The following NRXN3 variants were observed in gnomAD, a reference collection of about 807,000 sequenced individuals.
NRXN3 encodes neurexin III.
NRXN3 carries 32 observed loss-of-function variants against 137.6 expected under a neutral mutation model. The ratio of observed to expected loss-of-function variants is 0.23; its 90% CI spans 0.18 to 0.31. NRXN3 has a LOEUF of 0.31. Ranked by LOEUF, NRXN3 falls within the 10% of genes least tolerant of loss-of-function variation. The pLI is 1.00. For missense variants in NRXN3, 1,574 were observed against 2,062.5 expected, an observed-to-expected ratio of 0.76 and a Z score of 4.59; for synonymous variants, 798 against 784.5, an observed-to-expected ratio of 1.02 and a Z score of -0.29.
At chr14:79,378,424 A>C (rs1186664288) in intron 15 of NRXN3, among the ~76,000 whole-genome samples, 2 of 152,220 alleles carry the variant, frequency 1.3e-5, no homozygotes, top group Admixed American at 1.3e-4. Context: ...ACTGAGTGTC[A>C]GAGAAGAGAC....
chr14:79,038,607 A>C (rs545866861), intron 15 of NRXN3, among the ~76,000 whole-genome samples: 2 of 152,186 alleles, frequency 1.3e-5, no homozygotes, highest in South Asian at 4.1e-4. Context: ...TGCTATTTTT[A>C]TCTCTAGGTA....
chr14:79,835,612 C>T (rs1233061990), intron 20 of NRXN3, among the ~76,000 whole-genome samples: 1 of 151,980 alleles, frequency 6.6e-6, no homozygotes, highest in East Asian at 1.9e-4. Context: ...GTCTTTGTTT[C>T]CAGGGAGTGA....
intron 10 of NRXN3, among the ~76,000 whole-genome samples, chr14:78,956,070 C>A (rs1406855025): frequency 1.3e-5 from 2 of 152,174 alleles, no homozygotes; most frequent in African/African-American, 2.4e-5. Flanking sequence ...GTTTTCCAAA[C>A]TATTTCACAT....
intron 15 of NRXN3, among the ~76,000 whole-genome samples, chr14:79,422,169 C>T (rs1478203742): frequency 2.0e-5 from 3 of 152,158 alleles, no homozygotes; most frequent in Non-Finnish European, 2.9e-5. Flanking sequence ...AAGTGATCTC[C>T]TGCCTCAGCC....
chr14:78,729,771 A>G (rs991679375), intron 8 of NRXN3, among the ~76,000 whole-genome samples: 1 of 152,134 alleles, frequency 6.6e-6, no homozygotes, highest in Non-Finnish European at 1.5e-5. Context: ...GGACCTCTCT[A>G]ATTTTTGCTT....
intron 17 of NRXN3, among the ~76,000 whole-genome samples, chr14:79,674,961 G>A (rs2098632585): frequency 6.6e-6 from 1 of 151,970 alleles, no homozygotes; most frequent in Admixed American, 6.6e-5. Flanking sequence ...TATTTTAGGG[G>A]AAAAATATTA....
intron 19 of NRXN3, among the ~76,000 whole-genome samples, chr14:79,747,597 A>G (rs1054182029): frequency 2.0e-5 from 3 of 152,112 alleles, no homozygotes; most frequent in Non-Finnish European, 4.4e-5. Context: ...CGTGTAGTAA[A>G]TGTGAGGAAT....
intron 6 of NRXN3, among the ~76,000 whole-genome samples, chr14:78,665,471 G>A (rs1359440093): frequency 6.6e-6 from 1 of 152,126 alleles, no homozygotes; most frequent in Non-Finnish European, 1.5e-5. Flanking sequence ...CCACCGTCAT[G>A]ATTCAATTAC....
rs71131694 is a variant in NRXN3 at position 79,349,545 on chromosome 14, TACACACACACACAC to T, written c.3263-117646_3263-117633del. The stretch of plus-strand genomic sequence containing the variant: ...CTCCGTCCTCCCCGGGAAAAAAAAA[TACACACACACACAC>T]ACACACACACACACACACACACACA... On this transcript the variant is annotated intron_variant, in intron 15 of 20. Transcript: ENST00000335750. Among the ~76,000 whole-genome samples, 219 of 137,698 alleles carry T rather than the reference TACACACACACACAC, an allele frequency of 1.6e-3. 2 individuals are homozygous for T. The East Asian group carries it at 0.032, about 20-fold the overall frequency. The allele number at this position is 137,698 out of a possible 152,430, so 90.3% of individuals were successfully genotyped here.
intron 3 of NRXN3, among the ~76,000 whole-genome samples, chr14:78,294,814 A>ATG (rs1165169840): frequency 2.6e-5 from 4 of 151,924 alleles, no homozygotes; most frequent in Non-Finnish European, 4.4e-5. Context: ...TATATGGCAA[A>ATG]TGTGTGTGTG....
At chr14:78,385,344 A>T (rs1353129887) in intron 4 of NRXN3, among the ~76,000 whole-genome samples, 1 of 151,362 alleles carries the variant, frequency 6.6e-6, no homozygotes, top group East Asian at 1.9e-4. Flanking sequence ...CGCATATAAA[A>T]CTTCCTAATC....
intron 16 of NRXN3, among the ~76,000 whole-genome samples, chr14:79,537,606 A>G (rs868675986): frequency 7.2e-5 from 11 of 152,126 alleles, no homozygotes; most frequent in Non-Finnish European, 1.3e-4. Context: ...CCATGTCCCT[A>G]CAAAGGACAT....
At chr14:78,226,802 A>G (rs1414746065) in intron 1 of NRXN3, among the ~76,000 whole-genome samples, 2 of 152,190 alleles carry the variant, frequency 1.3e-5, no homozygotes, top group Non-Finnish European at 1.5e-5. Flanking sequence ...GTAGAGAAAG[A>G]TGTAATTGGG....
chr14:79,020,862 TACAC>T (rs3035451), intron 15 of NRXN3, among the ~76,000 whole-genome samples: 1,472 of 145,184 alleles, frequency 0.01, 23 homozygotes, highest in African/African-American at 0.035. Context: ...GCTTGCATTT[TACAC>T]ACACACACAC....
At chr14:78,419,001 A>G (rs2093302431) in intron 4 of NRXN3, among the ~76,000 whole-genome samples, 2 of 152,182 alleles carry the variant, frequency 1.3e-5, no homozygotes, top group Admixed American at 6.5e-5. Flanking sequence ...AGTGCAGCCA[A>G]TGTTTATTGA....
intron 3 of NRXN3, among the ~76,000 whole-genome samples, chr14:78,290,813 G>C (rs569583101): frequency 2.2e-4 from 34 of 152,284 alleles, no homozygotes; most frequent in African/African-American, 7.9e-4. Flanking sequence ...GCATGCCCCT[G>C]TCTTGGATGA....
At chr14:78,236,814 A>G (rs974545928) in intron 1 of NRXN3, among the ~76,000 whole-genome samples, 1 of 150,546 alleles carries the variant, frequency 6.6e-6, no homozygotes, top group African/African-American at 2.4e-5. Context: ...CTGGGTTTAA[A>G]TTCAGCTGTG....
intron 15 of NRXN3, among the ~76,000 whole-genome samples, chr14:79,096,509 C>G (rs2050364870): frequency 6.6e-6 from 1 of 152,040 alleles, no homozygotes; most frequent in Middle Eastern, 3.2e-3. Flanking sequence ...CCACTAATAA[C>G]TATGAGACTG....
chr14:79,785,815 C>T (rs1280615111), intron 19 of NRXN3, among the ~76,000 whole-genome samples: 1 of 152,132 alleles, frequency 6.6e-6, no homozygotes, highest in African/African-American at 2.4e-5. Flanking sequence ...GAATTTTTCT[C>T]AATGAAATGA....
Sources: allele counts gnomAD v4.1 joint callset (sites outside exome capture counted in the v4.1 genomes callset), GRCh38; gene constraint gnomAD v4.1.1; transcripts MANE v1.5; gene names NCBI Gene and HGNC (gene_info 2026-07-23, HGNC 2026-07-21).